The following RGS7 variants were observed in gnomAD, a reference collection of about 807,000 sequenced individuals.
RGS7 encodes the protein regulator of G-protein signaling 7.
In RGS7, 27 loss-of-function variants were observed where a neutral mutation model predicts 81.1. That is an observed-to-expected ratio of 0.33 (90% CI 0.25 to 0.46). The LOEUF is 0.46. Ranked by LOEUF, RGS7 falls within the 20% of genes least tolerant of loss-of-function variation. The pLI is 1.00. For missense variants in RGS7, 396 were observed against 607.4 expected (o/e 0.65, Z 3.66); for synonymous variants, 208 against 207.7 (o/e 1.00, Z -0.01).
At chr1:240,930,824 T>G in intron 5 of RGS7, 56 bp from the exon 6 acceptor site, 1 of 1,501,172 alleles carries the variant, frequency 6.7e-7, no homozygotes, top group Non-Finnish European at 9.3e-7. Flanking sequence ...TTAGTGGAGT[T>G]TCTGGCCAGT....
intron 2 of RGS7, among the ~76,000 whole-genome samples, chr1:241,292,989 A>G (rs985349097): frequency 6.6e-6 from 1 of 152,252 alleles, no homozygotes; most frequent in Non-Finnish European, 1.5e-5. Context: ...TGTAGAATGT[A>G]ATATGAAGTG....
At chr1:241,010,184 T>TA (rs1474422128) in intron 3 of RGS7, among the ~76,000 whole-genome samples, 4 of 151,792 alleles carry the variant, frequency 2.6e-5, no homozygotes, top group Admixed American at 6.6e-5. Context: ...AAAGTATAAT[T>TA]AAAAAAAAGA....
chr1:241,121,710 CT>C (rs10681773), intron 2 of RGS7, among the ~76,000 whole-genome samples: 1,531 of 66,320 alleles, frequency 0.023, 11 homozygotes, highest in African/African-American at 0.06. Context: ...TGCAATTGTT[CT>C]TTTTTTTTTT....
chr1:241,158,784 G>C (rs1487848919), intron 2 of RGS7, among the ~76,000 whole-genome samples: 1 of 152,148 alleles, frequency 6.6e-6, no homozygotes, highest in Non-Finnish European at 1.5e-5. Flanking sequence ...TTACTCTTCA[G>C]ATGCCTAAAA....
chr1:241,238,767 A>G (rs2148122261), intron 2 of RGS7, among the ~76,000 whole-genome samples: 1 of 152,282 alleles, frequency 6.6e-6, no homozygotes, highest in East Asian at 1.9e-4. Context: ...AAGAAACAAT[A>G]TGAAAAATAA....
chr1:241,051,713 A>T (rs939079544), intron 3 of RGS7, among the ~76,000 whole-genome samples: 4 of 152,204 alleles, frequency 2.6e-5, no homozygotes, highest in Non-Finnish European at 4.4e-5. Flanking sequence ...AAAAAATCTG[A>T]GAACCAAGAT....
rs546412679 is a variant in RGS7 at position 240,801,120 on chromosome 1, T to C, written c.1413+335A>G. On this transcript the variant is annotated intron_variant, in intron 17 of 18. Transcript: ENST00000440928. ...AGGGCTAAGGGAAAGAGCATAGAAA[T>C]ACATGCACTATCTTTAATAAAGAAA... Among the ~76,000 whole-genome samples, 6 of 152,104 alleles carry C rather than the reference T, an allele frequency of 3.9e-5. No individual in the cohort carries two copies. The South Asian group carries it at 1.2e-3, about 32-fold the overall frequency.
chr1:240,782,584 C>T (rs533735069), intron 18 of RGS7, among the ~76,000 whole-genome samples: 1 of 151,846 alleles, frequency 6.6e-6, no homozygotes, highest in East Asian at 1.9e-4. Context: ...CACCACACCT[C>T]GCTGATTTTT....
At chr1:240,792,211 G>C (rs1259988160) in intron 18 of RGS7, among the ~76,000 whole-genome samples, 1 of 152,172 alleles carries the variant, frequency 6.6e-6, no homozygotes, top group Non-Finnish European at 1.5e-5. Context: ...CTGCTGTCAA[G>C]TCTTCCAGTA....
chr1:241,298,743 A>C (rs1241835982), intron 2 of RGS7, among the ~76,000 whole-genome samples: 2 of 152,254 alleles, frequency 1.3e-5, no homozygotes, highest in Non-Finnish European at 2.9e-5. Context: ...TCAAGCATTA[A>C]GTAAACACTT....
chr1:241,312,417 T>C (rs1014313123), intron 2 of RGS7, among the ~76,000 whole-genome samples: 2 of 152,194 alleles, frequency 1.3e-5, no homozygotes, highest in Non-Finnish European at 2.9e-5. Flanking sequence ...ATCAGTGCCA[T>C]TTTCCCAACA....
chr1:240,986,438 A>AC (rs1416707757), intron 3 of RGS7, among the ~76,000 whole-genome samples: 3 of 152,036 alleles, frequency 2.0e-5, no homozygotes, highest in Non-Finnish European at 4.4e-5. Context: ...TGTTGTGCCC[A>AC]CCCCTCAACA....
In RGS7 at chr1:240,775,551, A is replaced by G. The variant is rs1453259388; in HGVS notation, c.*669T>C. 1 of 152,798 alleles carries G rather than the reference A, an allele frequency of 6.5e-6. No individual in the cohort carries two copies. Among genetic ancestry groups the G allele is most frequent in the African/African-American group, 2.4e-5 (1 of 41,470 alleles). 9.5% of individuals were successfully genotyped at this position (152,798 alleles called of 1,614,324 possible). A position where few individuals can be genotyped will look rare whatever the true frequency, so the allele number is the denominator to read the frequency against. ...TCTTTTAATGAAAGATAAAACAACA[A>G]TATAAACATACACAAATTTACAGAG... On this transcript the variant is annotated 3_prime_UTR_variant, in exon 19 of 19. Transcript: ENST00000440928.
chr1:241,246,638 G>C (rs539423161), intron 2 of RGS7, among the ~76,000 whole-genome samples: 1 of 152,094 alleles, frequency 6.6e-6, no homozygotes, highest in Non-Finnish European at 1.5e-5. Flanking sequence ...TAGTCCTTCG[G>C]GGGTAGGCAA....
At chr1:241,215,044 T>C (rs2074466221) in intron 2 of RGS7, among the ~76,000 whole-genome samples, 1 of 152,224 alleles carries the variant, frequency 6.6e-6, no homozygotes, top group African/African-American at 2.4e-5. Flanking sequence ...TTCTTGACTA[T>C]GTCTAATAAT....
intron 9 of RGS7, among the ~76,000 whole-genome samples, chr1:240,846,951 G>T: frequency 6.6e-6 from 1 of 152,210 alleles, no homozygotes; most frequent in South Asian, 2.1e-4. Flanking sequence ...GATGCCTCAT[G>T]AAAGAACCTG....
chr1:241,097,438 A>C (rs1255596206), intron 3 of RGS7, among the ~76,000 whole-genome samples: 1 of 152,098 alleles, frequency 6.6e-6, no homozygotes, highest in Non-Finnish European at 1.5e-5. Flanking sequence ...CACAGGTATC[A>C]AACCCCGACA....
chr1:241,168,737 CCCCCACCT>C (rs1219721663), intron 2 of RGS7, among the ~76,000 whole-genome samples: 3 of 151,696 alleles, frequency 2.0e-5, no homozygotes, highest in Non-Finnish European at 4.4e-5. Context: ...TCTCTCTCTC[CCCCCACCT>C]CCCCACCTCC....
In RGS7 at chr1:241,047,897, G is replaced by A. The variant is rs919922763; in HGVS notation, c.175+50769C>T. On this transcript the variant is annotated intron_variant, in intron 3 of 18. Coordinates refer to ENST00000440928, the MANE Select transcript of RGS7 (RefSeq NM_001364886.1). ...TGGGATTACAAGCGTGCACCACCAC[G>A]CCTGGCTAATTTTTGTATTTTTAGT... 6.6e-5 allele frequency among the ~76,000 whole-genome samples: 10 copies of A among 151,660 alleles called. No homozygotes were observed. The East Asian group carries it at 1.4e-3, about 21-fold the overall frequency.
Sources: allele counts gnomAD v4.1 joint callset (sites outside exome capture counted in the v4.1 genomes callset), GRCh38; gene constraint gnomAD v4.1.1; transcripts MANE v1.5; gene names NCBI Gene and HGNC (gene_info 2026-07-23, HGNC 2026-07-21).